Variants in SLF1 observed in about 807,000 individuals in gnomAD.
SLF1 encodes SMC5/6 complex localization factor 1.
SLF1 carries 105 observed loss-of-function variants against 123.0 expected under a neutral mutation model. The ratio of observed to expected loss-of-function variants is 0.85; its 90% CI spans 0.73 to 1.00. SLF1 has a LOEUF of 1.00. Ranked by LOEUF, SLF1 falls within the 50% of genes least tolerant of loss-of-function variation. The pLI, the probability that SLF1 is intolerant of heterozygous loss-of-function variation, is 0.00. For missense variants in SLF1, 1,239 were observed against 1,223.0 expected, an observed-to-expected ratio of 1.01 and a Z score of -0.20; for synonymous variants, 434 against 406.6, an observed-to-expected ratio of 1.07 and a Z score of -0.81.
In SLF1 at chr5:94,649,598, G is replaced by C. The variant is rs1251528464; in HGVS notation, c.738+1G>C. 6.8e-7 allele frequency: 1 copy of C among 1,464,252 alleles called. No homozygotes were observed. The highest frequency in any genetic ancestry group is 9.2e-7 in the Non-Finnish European group (1 of 1,091,342). 90.7% of individuals were successfully genotyped at this position (1,464,252 alleles called of 1,614,324 possible). ...AAGAGAGACCATGTATAGAACCCAG[G>C]TAAACTTTATAGGCTGAAAAACATA... On this transcript the variant is annotated splice_donor_variant, in intron 6 of 20. Transcript: ENST00000265140. LOFTEE classifies it high-confidence loss of function.
In SLF1 at chr5:94,657,421, C is replaced by A. The variant is rs113238673; in HGVS notation, c.1155+2669C>A. Among the ~76,000 whole-genome samples the A allele has an allele frequency of 3.6e-3, 551 of 152,040 alleles. 2 individuals are homozygous for A. Among genetic ancestry groups the A allele is most frequent in the African/African-American group, 0.013 (532 of 41,530 alleles). ...CTGAGAAAGATATTTGATATGACTTCAGATCTTTTCAAATGTGTTGAGATT... is the reference window on the plus strand; with the variant it reads ...CTGAGAAAGATATTTGATATGACTTAAGATCTTTTCAAATGTGTTGAGATT... On this transcript the variant is annotated intron_variant, in intron 9 of 20. Coordinates refer to ENST00000265140, the MANE Select transcript of SLF1 (RefSeq NM_032290.4).
At chr5:94,652,406 A>G (rs1331682944) in intron 7 of SLF1, among the ~76,000 whole-genome samples, 1 of 152,136 alleles carries the variant, frequency 6.6e-6, no homozygotes, top group Non-Finnish European at 1.5e-5. Flanking sequence ...TTTTCATTAT[A>G]GTTTTAACAG....
At chr5:94,638,279 C>T (rs1433038173) in intron 4 of SLF1, among the ~76,000 whole-genome samples, 5 of 152,146 alleles carry the variant, frequency 3.3e-5, no homozygotes, top group East Asian at 3.9e-4. Flanking sequence ...CCCGGGTTCA[C>T]GCCATTCTCT....
chr5:94,678,968 A>G lies in SLF1; in HGVS notation c.1975+13A>G, dbSNP rs557662795. ...CTTTCGTGTGATGGTAAGTTTGTCTATGTTCTGTTTTTTTCAGACCCATTC... is the reference window on the plus strand; with the variant it reads ...CTTTCGTGTGATGGTAAGTTTGTCTGTGTTCTGTTTTTTTCAGACCCATTC... On this transcript the variant is annotated intron_variant, in intron 15 of 20. Coordinates refer to ENST00000265140, the MANE Select transcript of SLF1 (RefSeq NM_032290.4). 6.8e-6 allele frequency: 11 copies of G among 1,610,982 alleles called. No individual in the cohort carries two copies. Among genetic ancestry groups the G allele is most frequent in the African/African-American group, 2.7e-5 (2 of 74,932 alleles).
rs1348486077 is a variant in SLF1 at position 94,653,389 on chromosome 5, AC to A, written c.1002del (p.Leu335Ter). The A allele has an allele frequency of 6.6e-7, 1 of 1,523,866 alleles. No individual in the cohort carries two copies. The highest frequency in any genetic ancestry group is 2.5e-5 in the East Asian group (1 of 40,254). The allele number at this position is 1,523,866 out of a possible 1,614,324, so 94.4% of individuals were successfully genotyped here. ...KGVEHEKIKS[T>X]LRRHIYNRDQ... ...CGTTGAACATGAAAAAATAAAAAGT[AC>A]CTTAAGAAGGCACATATATAATAGA... On this transcript the variant is annotated frameshift_variant, in exon 8 of 21. Transcript: ENST00000265140. LOFTEE classifies it high-confidence loss of function.
chr5:94,637,829 T>C (rs1481912582), intron 4 of SLF1, among the ~76,000 whole-genome samples: 1 of 152,104 alleles, frequency 6.6e-6, no homozygotes, highest in Non-Finnish European at 1.5e-5. Flanking sequence ...AGTGTGGCGG[T>C]CCTTTCCCAT....
intron 16 of SLF1, among the ~76,000 whole-genome samples, chr5:94,687,624 G>T (rs1752585618): frequency 6.6e-6 from 1 of 152,076 alleles, no homozygotes; most frequent in Admixed American, 6.6e-5. Context: ...ATCCCAGGAG[G>T]TCGAGGCAGC....
At chr5:94,622,984 A>T (rs1791927121) in intron 1 of SLF1, among the ~76,000 whole-genome samples, 1 of 152,092 alleles carries the variant, frequency 6.6e-6, no homozygotes, top group Non-Finnish European at 1.5e-5. Flanking sequence ...CTTGCCTCTC[A>T]AACCAGACTT....
At chr5:94,623,473 CT>C (rs1261017957) in intron 1 of SLF1, among the ~76,000 whole-genome samples, 1 of 151,802 alleles carries the variant, frequency 6.6e-6, no homozygotes, top group South Asian at 2.1e-4. Context: ...GTCATGCTCT[CT>C]TTTTTGCTTT....
At position 94,643,336 on chromosome 5, in the gene SLF1, TG is replaced by T; in HGVS notation, c.496del (p.Val166Ter). 2 of 1,545,776 alleles carry T rather than the reference TG, an allele frequency of 1.3e-6. No homozygotes were observed. The highest frequency in any genetic ancestry group is 1.7e-6 in the Non-Finnish European group (2 of 1,144,148). On this transcript the variant is annotated frameshift_variant, in exon 5 of 21. Transcript: ENST00000265140. LOFTEE classifies it high-confidence loss of function. ...PKSSPSGITH[V>X]IASNARIKAE... is the part of the protein sequence containing the mutation. The stretch of plus-strand genomic sequence containing the variant: ...AAAGTTCACCAAGTGGAATAACTCA[TG>T]TGATTGCCAGTAATGCAAGAATTAA...
intron 10 of SLF1, among the ~76,000 whole-genome samples, chr5:94,662,868 A>C (rs1749294946): frequency 6.6e-6 from 1 of 152,144 alleles, no homozygotes; most frequent in Non-Finnish European, 1.5e-5. Flanking sequence ...GTAGTCTTTT[A>C]GAATATTTTT....
intron 18 of SLF1, among the ~76,000 whole-genome samples, chr5:94,690,921 CGTGTGTGTGTCT>C (rs1752991045): frequency 7.1e-6 from 1 of 140,908 alleles, no homozygotes; most frequent in Non-Finnish European, 1.5e-5. Flanking sequence ...TTTTTACATC[CGTGTGTGTGTCT>C]GTGTGTGTGT....
At chr5:94,621,218 A>G (rs1236884552) in intron 1 of SLF1, among the ~76,000 whole-genome samples, 1 of 152,210 alleles carries the variant, frequency 6.6e-6, no homozygotes, top group Non-Finnish European at 1.5e-5. Context: ...TATTAGACTA[A>G]GTTCTGCAAT....
intron 1 of SLF1, among the ~76,000 whole-genome samples, chr5:94,625,509 G>C (rs899633240): frequency 6.6e-6 from 1 of 151,708 alleles, no homozygotes; most frequent in Admixed American, 6.6e-5. Flanking sequence ...TCAGCCTCCC[G>C]AGTAGCTGAG....
chr5:94,682,001 A>G lies in SLF1; in HGVS notation c.1975+3046A>G, dbSNP rs572115780. ...ACCAAATTTGAAGGCTAAGCAACCA[A>G]CTGTGCGTGTGTGTGCATGTGTGTG... On this transcript the variant is annotated intron_variant, in intron 15 of 20. Transcript: ENST00000265140. 7.9e-5 allele frequency among the ~76,000 whole-genome samples: 12 copies of G among 152,240 alleles called. No homozygotes were observed. The East Asian group carries it at 1.9e-3, about 25-fold the overall frequency.
At chr5:94,659,268 G>A (rs1748780709) in intron 9 of SLF1, among the ~76,000 whole-genome samples, 1 of 151,686 alleles carries the variant, frequency 6.6e-6, no homozygotes, top group East Asian at 1.9e-4. Context: ...TTGTTCATCT[G>A]TGTACTTTTC....
chr5:94,648,091 T>A (rs1747270753), intron 5 of SLF1, among the ~76,000 whole-genome samples: 1 of 152,202 alleles, frequency 6.6e-6, no homozygotes, highest in South Asian at 2.1e-4. Context: ...GCCTATGGAT[T>A]TATCCTCCCA....
chr5:94,681,569 C>T (rs1385586713), intron 15 of SLF1, among the ~76,000 whole-genome samples: 2 of 151,962 alleles, frequency 1.3e-5, no homozygotes, highest in African/African-American at 4.8e-5. Context: ...CATATGTATA[C>T]ATGTGCCATG....
chr5:94,640,869 TC>T (rs1212242183), intron 4 of SLF1, among the ~76,000 whole-genome samples: 17 of 152,240 alleles, frequency 1.1e-4, no homozygotes, highest in African/African-American at 3.9e-4. Context: ...TTCCATTAGT[TC>T]CTTTAACACA....
Sources: gnomAD v4.1 joint callset for allele counts (sites outside exome capture counted in the v4.1 genomes callset) on GRCh38, gnomAD v4.1.1 for gene constraint, MANE v1.5 for transcripts, NCBI Gene and HGNC (gene_info 2026-07-23, HGNC 2026-07-21) for gene names.